MFSD2A: variants seen among roughly 807,000 people sequenced by gnomAD.
The protein encoded by MFSD2A is MFSD2 lysolipid transporter A, lysophospholipid.
In MFSD2A, 27 loss-of-function variants were observed where a neutral mutation model predicts 64.7. That is an observed-to-expected ratio of 0.42 (90% CI 0.31 to 0.58). MFSD2A has a LOEUF of 0.58. Ranked by LOEUF, MFSD2A falls within the 20% of genes least tolerant of loss-of-function variation. The pLI is 0.18. For synonymous variants in MFSD2A, 258 were observed against 273.4 expected, an observed-to-expected ratio of 0.94 and a Z score of 0.55; for missense variants, 474 against 679.5, an observed-to-expected ratio of 0.70 and a Z score of 3.36.
chr1:39,955,677 A>G lies in MFSD2A; in HGVS notation c.93+292A>G, dbSNP rs576289446. 1 of 631,194 alleles carries G rather than the reference A, an allele frequency of 1.6e-6. No individual in the cohort carries two copies. Among genetic ancestry groups the G allele is most frequent in the East Asian group, 3.2e-5 (1 of 30,954 alleles). 39.1% of individuals were successfully genotyped at this position (631,194 alleles called of 1,614,324 possible). On this transcript the variant is annotated intron_variant, in intron 1 of 13. Transcript: ENST00000372811. This position sits in a 1 kb window ranked among gnomAD's most constrained non-coding sequence, Gnocchi z 5.9. The stretch of plus-strand genomic sequence containing the variant: ...AGCCGGTTTCCATTCTTCCGTGTTG[A>G]GCGGCTGGGGCTTGCCGCCCCAAAC...
chr1:39,965,725 C>T lies in MFSD2A; in HGVS notation c.557-132C>T, dbSNP rs978830089. 1.2e-5 allele frequency: 16 copies of T among 1,284,552 alleles called. No individual in the cohort carries two copies. The highest frequency in any genetic ancestry group is 1.6e-5 in the Non-Finnish European group (15 of 913,208). 79.6% of individuals were successfully genotyped at this position (1,284,552 alleles called of 1,614,324 possible). Reference sequence around the variant, plus strand: ...TGGAGAGGTGCATATGCGTTCAAACCAAGGTGTCACCTACCCCACTACCTC... The same window carrying T: ...TGGAGAGGTGCATATGCGTTCAAACTAAGGTGTCACCTACCCCACTACCTC... On this transcript the variant is annotated intron_variant, in intron 5 of 13. Coordinates refer to ENST00000372811, the MANE Select transcript of MFSD2A (RefSeq NM_032793.5). The surrounding 1 kb of genome is among the most constrained non-coding windows in gnomAD (Gnocchi z 5.5).
intron 1 of MFSD2A, among the ~76,000 whole-genome samples, chr1:39,956,411 G>A (rs1392305643): frequency 1.3e-5 from 2 of 152,238 alleles, no homozygotes; most frequent in East Asian, 3.9e-4. Flanking sequence ...CTCTGAGGCA[G>A]GGTGGGAGCC....
chr1:39,968,657 C>G lies in MFSD2A; in HGVS notation c.1441C>G (p.Leu481Val). The G allele has an allele frequency of 6.2e-7, 1 of 1,614,174 alleles. No individual in the cohort carries two copies. Among genetic ancestry groups the G allele is most frequent in the Non-Finnish European group, 8.5e-7 (1 of 1,180,038 alleles). Residue 481 changes from leucine (L) to valine (V), a missense_variant, in exon 13 of 14, where the codon CTC (leucine) becomes GTC (valine). Coordinates refer to ENST00000372811, the MANE Select transcript of MFSD2A (RefSeq NM_032793.5). This position sits in a 1 kb window ranked among gnomAD's most constrained non-coding sequence, Gnocchi z 4.4. ...NMLVTMAPIV[L>V]ILLGLLLFKM... ...GCTCGTGACCATGGCTCCCATAGTT[C>G]TCATCCTGCTGGGCCTGCTGCTCTT...
In MFSD2A at chr1:39,958,603, T is replaced by C; in HGVS notation, c.229-98T>C. 1 of 1,602,926 alleles carries C rather than the reference T, an allele frequency of 6.2e-7. No individual in the cohort carries two copies. The highest frequency in any genetic ancestry group is 8.5e-7 in the Non-Finnish European group (1 of 1,170,558). On this transcript the variant is annotated intron_variant, in intron 2 of 13. Transcript: ENST00000372811. The surrounding 1 kb of genome is among the most constrained non-coding windows in gnomAD (Gnocchi z 4.7). ...GGAGCAGCTCAGGGTCACAAGATCC[T>C]GGCTGAGATAGGGAGGGAGCCTCTG...
At chr1:39,967,946 T>C (rs1321259814) in intron 11 of MFSD2A, 30 bp downstream of exon 11, 1 of 1,416,994 alleles carries the variant, frequency 7.1e-7, no homozygotes, top group Non-Finnish European at 9.9e-7. Context: ...CCTCCTCGGG[T>C]ATCTCCAGCC....
chr1:39,958,716 G>A lies in MFSD2A; in HGVS notation c.244G>A (p.Ala82Thr). ...CTCATTCCAGGTGGGCCCTTTCTCT[G>A]CCTCCATCATCCTGTTTGTGGGCCG... ...LDVAQVGPFS[A>T]SIILFVGRAW... is the part of the protein sequence containing the mutation. Residue 82 changes from alanine to threonine, a missense_variant, in exon 3 of 14, where the codon GCC (alanine) becomes ACC (threonine). Ala to Thr is a moderately conservative substitution (Grantham distance 58, BLOSUM62 0). Transcript: ENST00000372811. The surrounding 1 kb of genome is among the most constrained non-coding windows in gnomAD (Gnocchi z 4.7). 6.2e-7 allele frequency: 1 copy of A among 1,614,092 alleles called. No individual in the cohort carries two copies. Among genetic ancestry groups the A allele is most frequent in the Non-Finnish European group, 8.5e-7 (1 of 1,180,002 alleles).
In MFSD2A at chr1:39,967,117, C is replaced by T. The variant is rs746074639; in HGVS notation, c.959C>T (p.Thr320Ile). Residue 320 changes from threonine to isoleucine, a missense_variant, in exon 9 of 14, where the codon ACC becomes ATC. Coordinates refer to ENST00000372811, the MANE Select transcript of MFSD2A (RefSeq NM_032793.5). ...LVEGNFVLFC[T>I]YTLGFRNEFQ... Reference sequence around the variant, plus strand: ...GAGGGGAACTTTGTCTTGTTTTGCACCTACACCTTGGGCTTCCGCAATGAA... The same window carrying T: ...GAGGGGAACTTTGTCTTGTTTTGCATCTACACCTTGGGCTTCCGCAATGAA... The T allele has an allele frequency of 1.2e-6, 2 of 1,613,976 alleles. No homozygotes were observed. Among genetic ancestry groups the T allele is most frequent in the East Asian group, 2.2e-5 (1 of 44,870 alleles).
chr1:39,969,388 C>T, intron 13 of MFSD2A, 117 bp from the exon 14 acceptor site: 1 of 792,656 alleles, frequency 1.3e-6, no homozygotes, highest in Admixed American at 3.0e-5. Flanking sequence ...ACTCTGTGTC[C>T]CGCGGTTCAC....
At position 39,964,256 on chromosome 1, in the gene MFSD2A, T is replaced by C. The variant is rs567380907; in HGVS notation, c.354-955T>C. The C allele has an allele frequency of 2.0e-5, 3 of 152,374 alleles. No individual in the cohort carries two copies. Among genetic ancestry groups the C allele is most frequent in the Admixed American group, 6.5e-5 (1 of 15,308 alleles). 9.4% of individuals were successfully genotyped at this position (152,374 alleles called of 1,614,324 possible). ...TATGTCAACTTTTCTGTTTGCCAAC[T>C]AGTATGTAAGTTCCACAAGGGCAAT... is the stretch of plus-strand genomic sequence containing the variant. On this transcript the variant is annotated intron_variant, in intron 3 of 13. Transcript: ENST00000372811. The surrounding 1 kb of genome is among the most constrained non-coding windows in gnomAD (Gnocchi z 4.1).
intron 3 of MFSD2A, among the ~76,000 whole-genome samples, chr1:39,962,065 C>T (rs1645056193): frequency 6.6e-6 from 1 of 152,228 alleles, no homozygotes; most frequent in Non-Finnish European, 1.5e-5. Context: ...TTAGTATCAA[C>T]CAAGTCTCAA....
In MFSD2A at chr1:39,969,548, G is replaced by A; in HGVS notation, c.1573G>A (p.Glu525Lys). Reference sequence around the variant, plus strand: ...TGGCTGCTCAGAAACAGACTCCACAGAGCTGGCTAGCATCCTCTAGGGCCC... The same window carrying A: ...TGGCTGCTCAGAAACAGACTCCACAAAGCTGGCTAGCATCCTCTAGGGCCC... Reference protein sequence around the residue: ...SSGCSETDSTELASIL With the variant: ...SSGCSETDSTKLASIL Residue 525 changes from glutamate to lysine, a missense_variant, in exon 14 of 14, where the codon GAG becomes AAG. Transcript: ENST00000372811. The A allele has an allele frequency of 2.5e-6, 4 of 1,605,882 alleles. No individual in the cohort carries two copies. The highest frequency in any genetic ancestry group is 3.4e-6 in the Non-Finnish European group (4 of 1,176,694).
At position 39,968,030 on chromosome 1, in the gene MFSD2A, A is replaced by G. The variant is rs1645201659; in HGVS notation, c.1208+114A>G. 1.4e-6 allele frequency: 1 copy of G among 693,248 alleles called. No individual in the cohort carries two copies. The highest frequency in any genetic ancestry group is 2.7e-5 in the East Asian group (1 of 37,492). The allele number at this position is 693,248 out of a possible 1,614,324, so 42.9% of individuals were successfully genotyped here. ...CTCCCACAGGCCATTCTGTGGGTCC[A>G]GGTTAGGAGTGGGGGAGGTCTGTCC... On this transcript the variant is annotated intron_variant, in intron 11 of 13. Coordinates refer to ENST00000372811, the MANE Select transcript of MFSD2A (RefSeq NM_032793.5). This position sits in a 1 kb window ranked among gnomAD's most constrained non-coding sequence, Gnocchi z 4.4.
Position 39,965,603 on chromosome 1 carries a change from T to C in MFSD2A, c.556+54T>C. The C allele has an allele frequency of 6.4e-7, 1 of 1,568,634 alleles. No individual in the cohort carries two copies. The highest frequency in any genetic ancestry group is 8.8e-7 in the Non-Finnish European group (1 of 1,139,338). On this transcript the variant is annotated intron_variant, in intron 5 of 13. Coordinates refer to ENST00000372811, the MANE Select transcript of MFSD2A (RefSeq NM_032793.5). This position sits in a 1 kb window ranked among gnomAD's most constrained non-coding sequence, Gnocchi z 5.5. ...CCCTCCAGGGACCCTCCAGCCATAC[T>C]TCTTCCCTTGCGGGTCCAGCTCTTT...
Position 39,969,700 on chromosome 1 carries a change from C to A in MFSD2A, c.*132C>A. ...GAAGACTCAAGGAGGTGGCCCAGGA[C>A]ACTTGCTGTGCTCACTGTGGGGCCG... On this transcript the variant is annotated 3_prime_UTR_variant, in exon 14 of 14. Coordinates refer to ENST00000372811, the MANE Select transcript of MFSD2A (RefSeq NM_032793.5). The A allele has an allele frequency of 1.1e-6, 1 of 869,762 alleles. No individual in the cohort carries two copies. Among genetic ancestry groups the A allele is most frequent in the Non-Finnish European group, 1.8e-6 (1 of 560,366 alleles). The allele number at this position is 869,762 out of a possible 1,614,324, so 53.9% of individuals were successfully genotyped here.
chr1:39,969,206 A>C (rs1645230332), intron 13 of MFSD2A, among the ~76,000 whole-genome samples: 1 of 152,082 alleles, frequency 6.6e-6, no homozygotes, highest in Non-Finnish European at 1.5e-5. Flanking sequence ...GGCATATAGG[A>C]CCTCGAGTGT....
Position 39,965,864 on chromosome 1 carries a change from T to G in MFSD2A, c.564T>G (p.Thr188=), listed in dbSNP as rs755118904. 2.5e-6 allele frequency: 4 copies of G among 1,613,888 alleles called. No homozygotes were observed. The highest frequency in any genetic ancestry group is 3.3e-5 in the Admixed American group (2 of 60,004). Residue 188 remains threonine, a synonymous_variant, in exon 6 of 14, where the codon ACT becomes ACG. Transcript: ENST00000372811. The surrounding 1 kb of genome is among the most constrained non-coding windows in gnomAD (Gnocchi z 5.5). ...CTCCTTTTCTCCTGCCAGGGATGAC[T>G]GTGGAAGTGCTGGGCACAGTGCTGG... ...ERDSATAYRM[T]VEVLGTVLGT...
At chr1:39,961,710 T>C (rs1645048752) in intron 3 of MFSD2A, among the ~76,000 whole-genome samples, 1 of 151,118 alleles carries the variant, frequency 6.6e-6, no homozygotes, top group Non-Finnish European at 1.5e-5. Context: ...TGGGGTCTTG[T>C]TATGTTGCCC....
Position 39,967,162 on chromosome 1 carries a change from C to A in MFSD2A, c.1004C>A (p.Ala335Asp). Reference protein sequence around the residue: ...FRNEFQNLLLAIMLSATLTIP... With the variant: ...FRNEFQNLLLDIMLSATLTIP... ...AATGAATTCCAGAATCTACTCCTGG[C>A]CATCATGGTGAGTGGGACCTGAGCA... is the stretch of plus-strand genomic sequence containing the variant. Residue 335 changes from alanine to aspartate, a missense_variant, in exon 9 of 14, where the codon GCC (alanine) becomes GAC (aspartate). Ala to Asp is a moderately radical substitution (Grantham distance 126). Coordinates refer to ENST00000372811, the MANE Select transcript of MFSD2A (RefSeq NM_032793.5). 1 of 1,614,016 alleles carries A rather than the reference C, an allele frequency of 6.2e-7. No homozygotes were observed. The highest frequency in any genetic ancestry group is 8.5e-7 in the Non-Finnish European group (1 of 1,179,924).
intron 3 of MFSD2A, chr1:39,962,848 C>T (rs1440223100): frequency 1.9e-5 from 30 of 1,547,064 alleles, no homozygotes; most frequent in Non-Finnish European, 2.5e-5. Flanking sequence ...CTGGGGGCCT[C>T]TCTCAAGGAT....
Sources: gnomAD v4.1 joint callset for allele counts (sites outside exome capture counted in the v4.1 genomes callset) on GRCh38, gnomAD v4.1.1 for gene constraint, Gnocchi (gnomAD v3.1) non-coding constraint, MANE v1.5 for transcripts, NCBI Gene and HGNC (gene_info 2026-07-23, HGNC 2026-07-21) for gene names.